The following PRRG1 variants were observed in gnomAD, a reference collection of about 807,000 sequenced individuals.
The protein encoded by PRRG1 is proline rich and Gla domain 1, also known as transmembrane gamma-carboxyglutamic acid protein 1.
In PRRG1, 5 loss-of-function variants were observed where a neutral mutation model predicts 11.8. The observed-to-expected ratio is 0.42, with a 90% CI of 0.22 to 0.89. The LOEUF is 0.89. PRRG1 is among the 40% of genes least tolerant of loss of function. The pLI, the probability that PRRG1 is intolerant of heterozygous loss-of-function variation, is 0.28. For synonymous variants in PRRG1, 66 were observed against 60.4 expected (o/e 1.09, Z -0.43); for missense variants, 155 against 166.1 (o/e 0.93, Z 0.37).
At chrX:37,407,636 C>T (rs1314154149) in intron 2 of PRRG1, among the ~76,000 whole-genome samples, 1 of 111,890 alleles carries the variant, frequency 8.9e-6, no homozygotes, top group Non-Finnish European at 1.9e-5. Context: ...TTGTCGTTGG[C>T]ATAATGTGAT....
At chrX:37,428,797 G>A (rs1050054902) in intron 3 of PRRG1, among the ~76,000 whole-genome samples, 3 of 112,741 alleles carry the variant, frequency 2.7e-5, no homozygotes, top group Admixed American at 9.3e-5. Context: ...TCTGCACTGC[G>A]ATAGCAGAGG....
At chrX:37,425,214 A>C (rs1387343907) in intron 2 of PRRG1, among the ~76,000 whole-genome samples, 2 of 111,746 alleles carry the variant, frequency 1.8e-5, no homozygotes, top group Admixed American at 1.9e-4. Flanking sequence ...ATCATGCAGA[A>C]GAATTTTCTT....
At chrX:37,408,641 G>C (rs1432239009) in intron 2 of PRRG1, among the ~76,000 whole-genome samples, 1 of 111,618 alleles carries the variant, frequency 9.0e-6, no homozygotes, top group African/African-American at 3.3e-5. Flanking sequence ...GGGCTTTCCC[G>C]CTAGACAAGA....
At chrX:37,356,043 G>T (rs1200078789) in intron 1 of PRRG1, among the ~76,000 whole-genome samples, 2 of 112,320 alleles carry the variant, frequency 1.8e-5, no homozygotes, top group East Asian at 5.5e-4. Flanking sequence ...AAACACTGAG[G>T]ATACAACAGT....
At chrX:37,395,755 C>T (rs1217404968) in intron 1 of PRRG1, among the ~76,000 whole-genome samples, 4 of 110,900 alleles carry the variant, frequency 3.6e-5, no homozygotes, top group African/African-American at 1.3e-4. Context: ...ATATACTTTC[C>T]AAAAGGTAGA....
chrX:37,371,293 C>G (rs1193418059), intron 1 of PRRG1, among the ~76,000 whole-genome samples: 1 of 111,946 alleles, frequency 8.9e-6, no homozygotes, highest in African/African-American at 3.3e-5. Flanking sequence ...ATCAAGACAC[C>G]CTGCCTGTGG....
intron 3 of PRRG1, among the ~76,000 whole-genome samples, chrX:37,438,390 C>CTA (rs1932915681): frequency 9.5e-6 from 1 of 104,767 alleles, no homozygotes; most frequent in South Asian, 4.3e-4. Context: ...AGTTTACATA[C>CTA]TATGACATGG....
At chrX:37,386,656 C>G (rs1369698293) in intron 1 of PRRG1, 1 of 112,009 alleles carries the variant, frequency 8.9e-6, no homozygotes, top group African/African-American at 3.2e-5. Context: ...CAAGAACCTG[C>G]TATTGTATAT....
intron 2 of PRRG1, among the ~76,000 whole-genome samples, chrX:37,424,789 ATTTCTAT>A: frequency 9.0e-6 from 1 of 111,415 alleles, no homozygotes; most frequent in East Asian, 2.8e-4. Flanking sequence ...TAAAATACTC[ATTTCTAT>A]AACAAAGCAA....
intron 2 of PRRG1, among the ~76,000 whole-genome samples, chrX:37,413,614 AAG>A (rs782434074): frequency 9.0e-6 from 1 of 111,565 alleles, no homozygotes; most frequent in Non-Finnish European, 1.9e-5. Context: ...CCAGCAATGA[AAG>A]AGAGTTTCTA....
chrX:37,398,159 A>G (rs1367778749), intron 1 of PRRG1, among the ~76,000 whole-genome samples: 5 of 111,270 alleles, frequency 4.5e-5, no homozygotes, highest in Non-Finnish European at 9.4e-5. Context: ...AGATCTGAGA[A>G]CGGGCAGACT....
intron 3 of PRRG1, chrX:37,441,682 C>A: frequency 1.2e-6 from 1 of 800,122 alleles, no homozygotes. Context: ...GCACTTTAGC[C>A]GCTACTTCCT....
intron 3 of PRRG1, chrX:37,442,167 A>G (rs1404439915): frequency 2.0e-5 from 15 of 752,987 alleles, no homozygotes; most frequent in African/African-American, 2.3e-5. Flanking sequence ...GTTCTCTTCA[A>G]TTTTTTTCCT....
intron 1 of PRRG1, among the ~76,000 whole-genome samples, chrX:37,402,618 C>A (rs1932040605): frequency 9.0e-6 from 1 of 111,521 alleles, no homozygotes; most frequent in Admixed American, 9.5e-5. Context: ...GCAACAAAAG[C>A]CAAAATTGAC....
At chrX:37,450,576 G>C (rs1156547734) in intron 3 of PRRG1, among the ~76,000 whole-genome samples, 1 of 111,805 alleles carries the variant, frequency 8.9e-6, no homozygotes, top group African/African-American at 3.2e-5. Flanking sequence ...TTAATCTTTG[G>C]GTATTCCAAA....
chrX:37,377,061 TTTTG>T (rs1319011795), intron 1 of PRRG1, among the ~76,000 whole-genome samples: 3 of 111,325 alleles, frequency 2.7e-5, no homozygotes, highest in Non-Finnish European at 3.8e-5. Context: ...AGTGTGAACG[TTTTG>T]TTTATCTCGG....
At chrX:37,403,993 G>A (rs1287185950) in intron 1 of PRRG1, among the ~76,000 whole-genome samples, 1 of 112,243 alleles carries the variant, frequency 8.9e-6, no homozygotes, top group African/African-American at 3.2e-5. Context: ...AGTGATGCTT[G>A]TTGTCTCCAC....
At position 37,456,820 on chromosome X, in the gene PRRG1, C is replaced by T. The variant is rs140488467; in HGVS notation, c.*3199C>T. ...TTATTTTTACAGAATATATTTAGTA[C>T]CTTTCTTAAGGAGTAACTGAATTGA... On this transcript the variant is annotated 3_prime_UTR_variant, in exon 4 of 4. Transcript: ENST00000378628. 13 of 111,611 alleles carry T rather than the reference C, an allele frequency of 1.2e-4. No homozygotes were observed. The East Asian group carries it at 2.8e-3, about 24-fold the overall frequency. The allele number at this position is 111,611 out of a possible 1,213,427, so 9.2% of individuals were successfully genotyped here.
At chrX:37,365,704 G>A (rs782075460) in intron 1 of PRRG1, among the ~76,000 whole-genome samples, 1 of 111,981 alleles carries the variant, frequency 8.9e-6, no homozygotes, top group South Asian at 3.8e-4. Flanking sequence ...ACTTTCTTGG[G>A]TAGATATTTC....
Sources: allele counts gnomAD v4.1 joint callset (sites outside exome capture counted in the v4.1 genomes callset), GRCh38; gene constraint gnomAD v4.1.1; transcripts MANE v1.5; gene names NCBI Gene and HGNC (gene_info 2026-07-23, HGNC 2026-07-21).